The following NELL2 variants were observed in gnomAD, a reference collection of about 807,000 sequenced individuals.
NELL2 encodes protein kinase C-binding protein NELL2.
In NELL2, 41 loss-of-function variants were observed where a neutral mutation model predicts 109.6. The observed-to-expected ratio is 0.37, with a 90% confidence interval of 0.29 to 0.49. The LOEUF is 0.49. NELL2 is among the 20% of genes least tolerant of loss of function. The pLI, the probability that NELL2 is intolerant of heterozygous loss-of-function variation, is 0.98. For missense variants in NELL2, 900 were observed against 1,008.3 expected (o/e 0.89, Z 1.45); for synonymous variants, 355 against 344.7 (o/e 1.03, Z -0.33).
At chr12:44,536,044 G>C (rs1431319220) in intron 15 of NELL2, among the ~76,000 whole-genome samples, 1 of 151,824 alleles carries the variant, frequency 6.6e-6, no homozygotes, top group Admixed American at 6.6e-5. Flanking sequence ...TACTAATTTT[G>C]ATTTGTTTAT....
rs150585028 is a variant in NELL2, at chr12:44,685,696, A to C, written c.1318+18030T>G. Among the ~76,000 whole-genome samples the C allele has an allele frequency of 5.3e-4, 80 of 152,272 alleles. No individual in the cohort carries two copies. The East Asian group carries it at 0.015, about 28-fold the overall frequency. The stretch of plus-strand genomic sequence containing the variant: ...ATGAAGCTTAGTTTTGCTGGATATG[A>C]AATTCTAGGTTGAAAATTCTTTTCT... On this transcript the variant is annotated intron_variant, in intron 12 of 19. Coordinates refer to ENST00000429094, the MANE Select transcript of NELL2 (RefSeq NM_001145108.2).
chr12:44,790,205 A>G (rs867027665), intron 3 of NELL2, among the ~76,000 whole-genome samples: 1 of 152,202 alleles, frequency 6.6e-6, no homozygotes, highest in African/African-American at 2.4e-5. Flanking sequence ...TGAAGGAAAG[A>G]ATCTTAAGAG....
chr12:44,560,486 G>C (rs1296575914), intron 15 of NELL2, among the ~76,000 whole-genome samples: 1 of 152,028 alleles, frequency 6.6e-6, no homozygotes, highest in Non-Finnish European at 1.5e-5. Flanking sequence ...TTAAAAAAAT[G>C]ATAAAGGTGA....
chr12:44,921,500 A>G (rs1392853620), intron 1 of NELL2, among the ~76,000 whole-genome samples: 1 of 152,182 alleles, frequency 6.6e-6, no homozygotes, highest in Non-Finnish European at 1.5e-5. Flanking sequence ...TCCAGCTCAC[A>G]TGTAATGTAA....
At chr12:44,546,391 A>C (rs140875493) in intron 15 of NELL2, among the ~76,000 whole-genome samples, 330 of 152,214 alleles carry the variant, frequency 2.2e-3, no homozygotes, top group African/African-American at 7.2e-3. Context: ...TTATTATAAC[A>C]ACCACTTCCA....
chr12:44,724,101 C>G (rs1420878771), intron 9 of NELL2, among the ~76,000 whole-genome samples: 1 of 151,820 alleles, frequency 6.6e-6, no homozygotes, highest in Non-Finnish European at 1.5e-5. Context: ...AAAACTTGGA[C>G]ACAGCTAGAG....
At position 44,777,334 on chromosome 12, in the gene NELL2, A is replaced by C. The variant is rs1177357654; in HGVS notation, c.607-20T>G. 8 of 1,600,540 alleles carry C rather than the reference A, an allele frequency of 5.0e-6. No homozygotes were observed. The Admixed American group carries it at 1.3e-4, about 27-fold the overall frequency. On this transcript the variant is annotated intron_variant, in intron 5 of 19. Coordinates refer to ENST00000429094, the MANE Select transcript of NELL2 (RefSeq NM_001145108.2). Reference sequence around the variant, plus strand: ...TATACCCTGTGTGTGAAAAATAGAAAAAAAAGACATATTACTTTCATTTAC... The same window carrying C: ...TATACCCTGTGTGTGAAAAATAGAACAAAAAGACATATTACTTTCATTTAC...
chr12:44,806,777 C>T (rs904153154), intron 3 of NELL2, among the ~76,000 whole-genome samples: 1 of 151,444 alleles, frequency 6.6e-6, no homozygotes, highest in African/African-American at 2.4e-5. Flanking sequence ...TAAAAAACTA[C>T]AATATGAAAA....
chr12:44,692,022 A>C (rs1948913833), intron 12 of NELL2, among the ~76,000 whole-genome samples: 2 of 152,218 alleles, frequency 1.3e-5, no homozygotes, highest in Non-Finnish European at 2.9e-5. Flanking sequence ...GCTACACTAA[A>C]CAACAGGTTT....
At chr12:44,608,474 A>T (rs903313849) in intron 14 of NELL2, among the ~76,000 whole-genome samples, 2 of 152,036 alleles carry the variant, frequency 1.3e-5, no homozygotes, top group Non-Finnish European at 1.5e-5. Context: ...TCCTACATTT[A>T]ATCTACTTAT....
At chr12:44,773,343 G>A (rs552713827) in intron 9 of NELL2, among the ~76,000 whole-genome samples, 1 of 152,186 alleles carries the variant, frequency 6.6e-6, no homozygotes, top group East Asian at 1.9e-4. Context: ...CGGCGTAGTG[G>A]CAGGCACCTG....
chr12:44,623,596 C>T (rs1946134558), intron 13 of NELL2, among the ~76,000 whole-genome samples: 1 of 152,074 alleles, frequency 6.6e-6, no homozygotes, highest in African/African-American at 2.4e-5. Flanking sequence ...CTGTGCCTCA[C>T]AGAGGGGAGC....
At chr12:44,827,411 G>GTTTT (rs35241789) in intron 2 of NELL2, among the ~76,000 whole-genome samples, 16 of 126,638 alleles carry the variant, frequency 1.3e-4, no homozygotes, top group African/African-American at 2.1e-4. Flanking sequence ...TCTTCTAACT[G>GTTTT]TTTTTTTTTT....
intron 2 of NELL2, among the ~76,000 whole-genome samples, chr12:44,821,903 T>G (rs1173007629): frequency 6.7e-6 from 1 of 149,766 alleles, no homozygotes; most frequent in Admixed American, 6.7e-5. Context: ...ATTTATTTAT[T>G]TATTTATTTA....
chr12:44,830,533 TG>T (rs1451261614), intron 2 of NELL2, among the ~76,000 whole-genome samples: 1 of 152,276 alleles, frequency 6.6e-6, no homozygotes, highest in South Asian at 2.1e-4. Context: ...CCACAGGGCA[TG>T]GGGCACATTG....
At chr12:44,631,311 G>A (rs1404442173) in intron 13 of NELL2, among the ~76,000 whole-genome samples, 1 of 150,860 alleles carries the variant, frequency 6.6e-6, no homozygotes, top group South Asian at 2.1e-4. Flanking sequence ...AGTTCCACAT[G>A]TTATGGGGAA....
chr12:44,732,064 G>A (rs1939398326), intron 9 of NELL2, among the ~76,000 whole-genome samples: 1 of 151,942 alleles, frequency 6.6e-6, no homozygotes, highest in Non-Finnish European at 1.5e-5. Flanking sequence ...ACTGCTGAAA[G>A]AAATTTAAAA....
intron 13 of NELL2, among the ~76,000 whole-genome samples, chr12:44,631,375 G>A (rs1353608801): frequency 6.6e-6 from 1 of 151,572 alleles, no homozygotes; most frequent in Non-Finnish European, 1.5e-5. Context: ...AGGACTCAAA[G>A]GATATTTTAA....
chr12:44,738,516 A>C (rs1476259065), intron 9 of NELL2, among the ~76,000 whole-genome samples: 1 of 152,074 alleles, frequency 6.6e-6, no homozygotes, highest in Non-Finnish European at 1.5e-5. Flanking sequence ...GACAAGATGG[A>C]TGAACCTGGA....
Sources: gnomAD v4.1 joint callset for allele counts (sites outside exome capture counted in the v4.1 genomes callset) on GRCh38, gnomAD v4.1.1 for gene constraint, MANE v1.5 for transcripts, NCBI Gene and HGNC (gene_info 2026-07-23, HGNC 2026-07-21) for gene names.